The following ITCH variants were observed in gnomAD, a reference collection of about 807,000 sequenced individuals.
The protein encoded by ITCH is itchy E3 ubiquitin protein ligase.
Under a neutral mutation model 126.8 loss-of-function variants are expected in ITCH, and 28 were observed. The ratio of observed to expected loss-of-function variants is 0.22; its 90% CI spans 0.16 to 0.30. The LOEUF is 0.30. Among genes scored for constraint, ITCH ranks in the 10% least tolerant of loss-of-function variants. The pLI is 1.00. For synonymous variants in ITCH, 342 were observed against 340.0 expected (o/e 1.01, Z -0.06); for missense variants, 631 against 1,032.4 (o/e 0.61, Z 5.33).
At chr20:34,398,275 C>G (rs1009393513) in intron 3 of ITCH, among the ~76,000 whole-genome samples, 1 of 151,982 alleles carries the variant, frequency 6.6e-6, no homozygotes, top group Non-Finnish European at 1.5e-5. Context: ...GTTGCCCAGG[C>G]TGGTCTCAAA....
chr20:34,411,229 G>A (rs1489485626), intron 4 of ITCH, among the ~76,000 whole-genome samples: 2 of 152,090 alleles, frequency 1.3e-5, no homozygotes, highest in African/African-American at 4.8e-5. Flanking sequence ...TCTGCTCACT[G>A]CAACCTCCAC....
chr20:34,416,518 T>TG (rs1283973175), intron 6 of ITCH, among the ~76,000 whole-genome samples: 7 of 152,184 alleles, frequency 4.6e-5, no homozygotes, highest in African/African-American at 1.7e-4. Flanking sequence ...TTTGGACCTT[T>TG]GGGGGGAAAA....
chr20:34,442,017 C>T (rs1266915743), intron 9 of ITCH, 191 bp from the exon 10 acceptor site: 4 of 610,102 alleles, frequency 6.6e-6, no homozygotes, highest in Non-Finnish European at 1.2e-5. Context: ...AAATTGAATT[C>T]ACTGTGTGCC....
intron 2 of ITCH, among the ~76,000 whole-genome samples, chr20:34,376,218 G>A (rs575816192): frequency 2.9e-4 from 44 of 151,994 alleles, no homozygotes; most frequent in Admixed American, 7.9e-4. Context: ...TCTTACCCAC[G>A]TAAAGATTTA....
At chr20:34,435,108 C>T (rs745737794) in intron 7 of ITCH, among the ~76,000 whole-genome samples, 5 of 151,794 alleles carry the variant, frequency 3.3e-5, no homozygotes, top group Non-Finnish European at 5.9e-5. Flanking sequence ...CAAAGTCATC[C>T]GTCATTTATA....
intron 5 of ITCH, 91 bp from the exon 6 acceptor site, chr20:34,413,651 C>A: frequency 8.5e-7 from 1 of 1,175,284 alleles, no homozygotes; most frequent in Non-Finnish European, 1.2e-6. Flanking sequence ...TTTTCTCGGA[C>A]ATCACATTTT....
chr20:34,459,544 GC>G (rs1222384705), intron 13 of ITCH, among the ~76,000 whole-genome samples: 1 of 152,140 alleles, frequency 6.6e-6, no homozygotes, highest in Non-Finnish European at 1.5e-5. Context: ...CATTCCAAGG[GC>G]CTAAACATCA....
chr20:34,480,488 C>T (rs963362218), intron 18 of ITCH, 111 bp from the exon 19 acceptor site: 2 of 1,302,034 alleles, frequency 1.5e-6, no homozygotes, highest in African/African-American at 2.9e-5. Context: ...AGGCGTGAGC[C>T]ACCATGCCTG....
chr20:34,433,126 C>T (rs2146258787), intron 7 of ITCH, among the ~76,000 whole-genome samples: 1 of 152,206 alleles, frequency 6.6e-6, no homozygotes, highest in African/African-American at 2.4e-5. Context: ...CCCGTCTCTA[C>T]TGAAAATACA....
intron 16 of ITCH, among the ~76,000 whole-genome samples, chr20:34,477,013 C>T (rs181108862): frequency 1.3e-5 from 2 of 152,182 alleles, no homozygotes; most frequent in African/African-American, 2.4e-5. Flanking sequence ...AGGTAGTTAT[C>T]GGTTGCCGCT....
chr20:34,482,762 AGG>A (rs1291708064), intron 20 of ITCH, among the ~76,000 whole-genome samples: 3 of 152,108 alleles, frequency 2.0e-5, no homozygotes, highest in Non-Finnish European at 4.4e-5. Flanking sequence ...CAGCTCCACT[AGG>A]CAGTGCCCCA....
Position 34,365,570 on chromosome 20 carries a change from A to G in ITCH, c.-99+2221A>G, listed in dbSNP as rs142846693. Among the ~76,000 whole-genome samples, 866 of 151,582 alleles carry G rather than the reference A, an allele frequency of 5.7e-3. 3 individuals carry two copies. The highest frequency in any genetic ancestry group is 0.011 in the Admixed American group (172 of 15,202). On this transcript the variant is annotated intron_variant, in intron 1 of 24. Coordinates refer to ENST00000374864, the MANE Select transcript of ITCH (RefSeq NM_031483.7). ...GCTGGGACTACAGGCGCGTGCCACC[A>G]CTCCCGGTAATTTTTTTGTATTTTT... is the stretch of plus-strand genomic sequence containing the variant.
chr20:34,397,169 C>T (rs2038708030), intron 3 of ITCH, among the ~76,000 whole-genome samples: 1 of 152,084 alleles, frequency 6.6e-6, no homozygotes. Flanking sequence ...GTTATAGGCG[C>T]CCGCCACCAA....
chr20:34,503,873 T>TTTTTTTG (rs1990436197), intron 23 of ITCH, among the ~76,000 whole-genome samples: 1 of 106,066 alleles, frequency 9.4e-6, no homozygotes, highest in Non-Finnish European at 2.1e-5. Flanking sequence ...TTTTTTGGTT[T>TTTTTTTG]TTTTTTTTTT....
At chr20:34,490,059 A>G in intron 22 of ITCH, 133 bp downstream of exon 22, 1 of 691,370 alleles carries the variant, frequency 1.4e-6, no homozygotes, top group Non-Finnish European at 2.6e-6. Flanking sequence ...ATTATAATAA[A>G]TGAATACAGA....
At chr20:34,432,081 AAC>A (rs1982384719) in intron 7 of ITCH, among the ~76,000 whole-genome samples, 1 of 150,340 alleles carries the variant, frequency 6.7e-6, no homozygotes, top group African/African-American at 2.4e-5. Context: ...TGGGACATTT[AAC>A]ACTATCAAAC....
chr20:34,495,422 A>G (rs1008629506), intron 23 of ITCH, among the ~76,000 whole-genome samples: 3 of 151,734 alleles, frequency 2.0e-5, no homozygotes, highest in African/African-American at 7.3e-5. Flanking sequence ...TTGTGCATCT[A>G]TTAACCAACC....
chr20:34,438,762 A>G (rs984299946), intron 8 of ITCH, 131 bp downstream of exon 8: 16 of 1,249,468 alleles, frequency 1.3e-5, no homozygotes, highest in Admixed American at 1.8e-5. Context: ...TTGGAAAAGA[A>G]TGATCTTTCT....
rs546543878 is a variant in ITCH at position 34,376,237 on chromosome 20, C to T, written c.-22+6767C>T. Among the ~76,000 whole-genome samples, 36 of 152,018 alleles carry T rather than the reference C, an allele frequency of 2.4e-4. No homozygotes were observed. The South Asian group carries it at 6.9e-3, about 29-fold the overall frequency. ...ACCCACGTAAAGATTTAACCAGCCT[C>T]GGCAGCATGGTGAAACACTGTCTCT... On this transcript the variant is annotated intron_variant, in intron 2 of 24. Transcript: ENST00000374864.
Sources: gnomAD v4.1 joint callset for allele counts (sites outside exome capture counted in the v4.1 genomes callset) on GRCh38, gnomAD v4.1.1 for gene constraint, MANE v1.5 for transcripts, NCBI Gene and HGNC (gene_info 2026-07-23, HGNC 2026-07-21) for gene names.